The following ARK2N variants were observed in gnomAD, a reference collection of about 807,000 sequenced individuals.
ARK2N encodes arkadia (RNF111) N-terminal like PKA signaling regulator 2N, also known as protein ARK2N.
chr18:46,239,931 G>A, the ARK2N span: 16 of 1,368,616 alleles, frequency 1.2e-5, no homozygotes, highest in South Asian at 1.2e-4. Context: ...TGACATTAGA[G>A]GGCTCTTACT....
the ARK2N span, among the ~76,000 whole-genome samples, chr18:46,220,967 C>T: frequency 4.6e-5 from 7 of 151,972 alleles, no homozygotes; most frequent in African/African-American, 1.2e-4. Flanking sequence ...GAAACCTCAT[C>T]GCTACTAGAA....
the ARK2N span, among the ~76,000 whole-genome samples, chr18:46,244,601 A>ATTTTTTTTTT: frequency 0.012 from 1,164 of 93,792 alleles, 86 homozygotes; most frequent in East Asian, 0.042. Context: ...AAGAGTTTAG[A>ATTTTTTTTTT]TTTTTTTTTT....
the ARK2N span, chr18:46,240,150 G>T: frequency 6.2e-7 from 1 of 1,614,064 alleles, no homozygotes; most frequent in Admixed American, 1.7e-5. Context: ...CTACCTGGAG[G>T]ACCAGCGGGC....
At chr18:46,188,411 G>C in the ARK2N span, among the ~76,000 whole-genome samples, 1 of 152,136 alleles carries the variant, frequency 6.6e-6, no homozygotes, top group Non-Finnish European at 1.5e-5. Context: ...ATGTTGGCCA[G>C]GTTGGTTTCG....
the ARK2N span, among the ~76,000 whole-genome samples, chr18:46,259,772 C>G: frequency 9.5e-6 from 1 of 104,800 alleles, no homozygotes; most frequent in South Asian, 3.7e-4. Context: ...CACCCAGCTA[C>G]TGTGTGTGTG....
chr18:46,243,636 T>G, the ARK2N span, among the ~76,000 whole-genome samples: 3 of 152,248 alleles, frequency 2.0e-5, no homozygotes, highest in Non-Finnish European at 2.9e-5. Context: ...ACCTGAATTT[T>G]CCATTTCAAT....
the ARK2N span, among the ~76,000 whole-genome samples, chr18:46,261,351 C>T: frequency 1.3e-5 from 2 of 152,314 alleles, no homozygotes; most frequent in East Asian, 1.9e-4. Flanking sequence ...CCTGTTTAAG[C>T]CTCAGTTTCC....
the ARK2N span, among the ~76,000 whole-genome samples, chr18:46,184,094 G>A: frequency 2.6e-5 from 4 of 152,206 alleles, no homozygotes; most frequent in South Asian, 2.1e-4. Flanking sequence ...GGGTTCAAGC[G>A]ATTTTCCTGC....
At chr18:46,251,730 G>A in the ARK2N span, among the ~76,000 whole-genome samples, 1 of 152,132 alleles carries the variant, frequency 6.6e-6, no homozygotes, top group Non-Finnish European at 1.5e-5. Context: ...TTGCTACATA[G>A]CACTGTAATG....
the ARK2N span, among the ~76,000 whole-genome samples, chr18:46,205,742 G>C: frequency 6.6e-6 from 1 of 152,106 alleles, no homozygotes; most frequent in Middle Eastern, 3.2e-3. Flanking sequence ...TTTTGAGACA[G>C]GGTCTCATTC....
chr18:46,229,492 TGCCTGCCACCAC>T, the ARK2N span, among the ~76,000 whole-genome samples: 1 of 151,602 alleles, frequency 6.6e-6, no homozygotes, highest in Admixed American at 6.6e-5. Flanking sequence ...GGACTACAGG[TGCCTGCCACCAC>T]GCCCGGCTAA....
chr18:46,265,532 C>G, the ARK2N span: 1 of 152,250 alleles, frequency 6.6e-6, no homozygotes, highest in African/African-American at 2.4e-5. Flanking sequence ...AGTCCAGCTC[C>G]CAACTGCCTG....
chr18:46,233,149 C>A, the ARK2N span, among the ~76,000 whole-genome samples: 1 of 151,930 alleles, frequency 6.6e-6, no homozygotes, highest in Admixed American at 6.6e-5. Flanking sequence ...CATAAAAAGT[C>A]AAGATTCTTT....
At chr18:46,230,601 T>C in the ARK2N span, among the ~76,000 whole-genome samples, 1 of 152,198 alleles carries the variant, frequency 6.6e-6, no homozygotes, top group Non-Finnish European at 1.5e-5. Context: ...ATCCGGACTA[T>C]TGTATCTCTC....
the ARK2N span, among the ~76,000 whole-genome samples, chr18:46,185,479 T>G: frequency 6.6e-6 from 1 of 152,248 alleles, no homozygotes; most frequent in African/African-American, 2.4e-5. Flanking sequence ...GTATTGTGAT[T>G]GTCTTCCACC....
At chr18:46,223,589 T>C in the ARK2N span, among the ~76,000 whole-genome samples, 29 of 152,364 alleles carry the variant, frequency 1.9e-4, no homozygotes, top group East Asian at 5.6e-3. Context: ...AAGCAAACCA[T>C]GTTTTCACAA....
At chr18:46,204,842 G>T in the ARK2N span, among the ~76,000 whole-genome samples, 3 of 151,674 alleles carry the variant, frequency 2.0e-5, no homozygotes, top group African/African-American at 7.3e-5. Context: ...AACAGCAGAT[G>T]ACTTTTGCAT....
At chr18:46,178,355 C>T in the ARK2N span, among the ~76,000 whole-genome samples, 2 of 152,188 alleles carry the variant, frequency 1.3e-5, no homozygotes, top group Non-Finnish European at 2.9e-5. Flanking sequence ...CTGCGATGCC[C>T]AGGCTGGAGT....
the ARK2N span, among the ~76,000 whole-genome samples, chr18:46,238,978 T>C: frequency 6.6e-6 from 1 of 152,148 alleles, no homozygotes. Context: ...ATAAATAGCC[T>C]TTGGGGGAGA....
Sources: gnomAD v4.1 joint callset for allele counts (sites outside exome capture counted in the v4.1 genomes callset) on GRCh38, gnomAD v4.1.1 for gene constraint, MANE v1.5 for transcripts, NCBI Gene and HGNC (gene_info 2026-07-23, HGNC 2026-07-21) for gene names.